The following CHMP1A variants were observed in gnomAD, a reference collection of about 807,000 sequenced individuals.
CHMP1A encodes the protein VPS46 homolog A.
Under a neutral mutation model 27.0 loss-of-function variants are expected in CHMP1A, and 17 were observed. The observed-to-expected ratio is 0.63, with a 90% CI of 0.43 to 0.95. The LOEUF (loss-of-function observed/expected upper bound fraction) is 0.95. CHMP1A is among the 40% of genes least tolerant of loss of function. The probability of loss-of-function intolerance (pLI) is 0.00; values close to 1 mark genes in which losing one functional copy is unlikely to be tolerated. For missense variants in CHMP1A, 275 were observed against 264.0 expected, an observed-to-expected ratio of 1.04 and a Z score of -0.29; for synonymous variants, 131 against 107.5, an observed-to-expected ratio of 1.22 and a Z score of -1.35.
chr16:89,645,751 C>A lies in CHMP1A; in HGVS notation c.*315G>T. The A allele has an allele frequency of 1.7e-6, 1 of 591,674 alleles. No individual in the cohort carries two copies. The highest frequency in any genetic ancestry group is 2.7e-6 in the Non-Finnish European group (1 of 368,166). The allele number at this position is 591,674 out of a possible 1,614,324, so 36.7% of individuals were successfully genotyped here. On this transcript the variant is annotated 3_prime_UTR_variant, in exon 7 of 7. Coordinates refer to ENST00000397901, the MANE Select transcript of CHMP1A (RefSeq NM_002768.5). Reference sequence around the variant, plus strand: ...CTGATGGGAAGCAGCATGTCTGCTGCCCCAGAGTCTGAAGGCCCCCACAGT... The same window carrying A: ...CTGATGGGAAGCAGCATGTCTGCTGACCCAGAGTCTGAAGGCCCCCACAGT...
Position 89,646,517 on chromosome 16 carries a change from C to G in CHMP1A, c.569+10G>C. 6.4e-7 allele frequency: 1 copy of G among 1,564,794 alleles called. No homozygotes were observed. On this transcript the variant is annotated intron_variant, in intron 6 of 6. Coordinates refer to ENST00000397901, the MANE Select transcript of CHMP1A (RefSeq NM_002768.5). ...GGTTGGTGACACAGCGTTTCGGGGA[C>G]CGACCCTACCTCCGTGACAGCTGGT...
At chr16:89,651,132 CT>C (rs1354170657) in intron 3 of CHMP1A, among the ~76,000 whole-genome samples, 1 of 152,142 alleles carries the variant, frequency 6.6e-6, no homozygotes, top group Non-Finnish European at 1.5e-5. Context: ...AATACCAGCA[CT>C]TTTGGAGGCC....
intron 5 of CHMP1A, 47 bp from the exon 6 acceptor site, chr16:89,646,761 G>C (rs1386300997): frequency 6.3e-7 from 1 of 1,577,580 alleles, no homozygotes; most frequent in Non-Finnish European, 8.6e-7. Context: ...CCAGGCCCAT[G>C]GGGCCCCACT....
intron 3 of CHMP1A, among the ~76,000 whole-genome samples, chr16:89,650,482 C>T (rs1270370985): frequency 1.3e-5 from 2 of 152,208 alleles, no homozygotes; most frequent in African/African-American, 4.8e-5. Context: ...ATGCCCTAGA[C>T]ACCAGCTCTG....
intron 4 of CHMP1A, among the ~76,000 whole-genome samples, chr16:89,648,629 G>A (rs1023388781): frequency 9.2e-5 from 14 of 152,292 alleles, no homozygotes; most frequent in South Asian, 8.3e-4. Context: ...AGTGGTTCAC[G>A]CCTATAATTC....
rs890839515 is a variant in CHMP1A, at chr16:89,651,302, C to T, written c.105+267G>A. On this transcript the variant is annotated intron_variant, in intron 3 of 6. Coordinates refer to ENST00000397901, the MANE Select transcript of CHMP1A (RefSeq NM_002768.5). ...CCTAGAATCACTTGAACCCGGGAGG[C>T]GGAGGTTGCAGTGAGACGAGATCGC... 6.2e-5 allele frequency among the ~76,000 whole-genome samples: 9 copies of T among 144,286 alleles called. No individual in the cohort carries two copies. The South Asian group carries it at 1.6e-3, about 26-fold the overall frequency. 94.7% of individuals were successfully genotyped at this position (144,286 alleles called of 152,430 possible). A position where few individuals can be genotyped will look rare whatever the true frequency, so the allele number is the denominator to read the frequency against.
Position 89,649,565 on chromosome 16 carries a change from TTTTTGTTTTG to T in CHMP1A, c.106-78_106-69del, listed in dbSNP as rs375799961. ...TGTGTGCCCCCTGCTAGGAGCCCAG[TTTTTGTTTTG>T]TTTTGTTTTGTTTTGTTTGAGACGG... On this transcript the variant is annotated intron_variant, in intron 3 of 6. Transcript: ENST00000397901. The T allele has an allele frequency of 2.6e-4, 405 of 1,582,348 alleles. 1 individual carries two copies. Among genetic ancestry groups the T allele is most frequent in the South Asian group, 1.5e-4 (13 of 88,854 alleles).
rs1046843992 is a variant in CHMP1A at position 89,645,268 on chromosome 16, C to T, written c.*798G>A. 19 of 152,608 alleles carry T rather than the reference C, an allele frequency of 1.2e-4. No individual in the cohort carries two copies. The highest frequency in any genetic ancestry group is 2.9e-4 in the African/African-American group (12 of 41,466). The allele number at this position is 152,608 out of a possible 1,614,324, so 9.5% of individuals were successfully genotyped here. On this transcript the variant is annotated 3_prime_UTR_variant, in exon 7 of 7. Coordinates refer to ENST00000397901, the MANE Select transcript of CHMP1A (RefSeq NM_002768.5). ...TGCCCAAGGGGAGGAGCTGCAGACG[C>T]ACCCGCTGGGACCGCAGCCTGCTGG... is the stretch of plus-strand genomic sequence containing the variant.
At position 89,655,451 on chromosome 16, in the gene CHMP1A, TCCTCACCTCAGCTTTC is replaced by T. The variant is rs1414338802; in HGVS notation, c.8-1544_8-1529del. On this transcript the variant is annotated intron_variant, in intron 1 of 6. Transcript: ENST00000397901. Reference sequence around the variant, plus strand: ...ACCTCAGCTCTCCTCACCTCAGCTTTCCTCACCTCAGCTTTCCCTCACCTCAGCTTTCCTCACCTCA... The same window carrying T: ...ACCTCAGCTCTCCTCACCTCAGCTTTCCTCACCTCAGCTTTCCTCACCTCA... Among the ~76,000 whole-genome samples the T allele has an allele frequency of 2.2e-4, 31 of 143,566 alleles. 2 individuals carry two copies. The South Asian group carries it at 2.2e-3, about 10-fold the overall frequency. The allele number at this position is 143,566 out of a possible 152,430, so 94.2% of individuals were successfully genotyped here. A position where few individuals can be genotyped will look rare whatever the true frequency, so the allele number is the denominator to read the frequency against.
intron 1 of CHMP1A, among the ~76,000 whole-genome samples, chr16:89,656,956 C>T (rs911049437): frequency 1.4e-5 from 2 of 142,520 alleles, no homozygotes; most frequent in African/African-American, 5.3e-5. Flanking sequence ...GTCTAGGTCC[C>T]GGGTCCATGG....
rs1313812860 is a variant in CHMP1A, at chr16:89,648,360, GGA to G, written c.252+989_252+990del. 7.7e-5 allele frequency among the ~76,000 whole-genome samples: 6 copies of G among 77,876 alleles called. 2 individuals carry two copies. Among genetic ancestry groups the G allele is most frequent in the Admixed American group, 5.2e-4 (4 of 7,650 alleles). 51.1% of individuals were successfully genotyped at this position (77,876 alleles called of 152,430 possible). A position where few individuals can be genotyped will look rare whatever the true frequency, so the allele number is the denominator to read the frequency against. ...TCGGTGGAGAAAAGGCCGCCGACGT[GGA>G]GACCCAGCGCGGGGTCGGTGGAGAA... On this transcript the variant is annotated intron_variant, in intron 4 of 6. Transcript: ENST00000397901.
At chr16:89,653,853 T>C in intron 2 of CHMP1A, 51 bp downstream of exon 2, 6 of 1,589,500 alleles carry the variant, frequency 3.8e-6, no homozygotes, top group East Asian at 2.2e-5. Context: ...TGGCTTATAC[T>C]ATCTGTCCTC....
At chr16:89,653,990 G>A in intron 1 of CHMP1A, 67 bp from the exon 2 acceptor site, 1 of 1,524,814 alleles carries the variant, frequency 6.6e-7, no homozygotes, top group Non-Finnish European at 9.1e-7. Context: ...TGGCAGGCAG[G>A]ACTCACTAGG....
chr16:89,649,266 G>C, intron 4 of CHMP1A, 85 bp downstream of exon 4: 2 of 1,523,570 alleles, frequency 1.3e-6, no homozygotes, highest in Non-Finnish European at 1.8e-6. Context: ...CGTCAACTCT[G>C]AGCTGCCCCA....
chr16:89,649,306 C>T (rs1313777544), intron 4 of CHMP1A, 45 bp downstream of exon 4: 1 of 1,596,120 alleles, frequency 6.3e-7, no homozygotes, highest in East Asian at 2.3e-5. Flanking sequence ...ATTCCTGCTT[C>T]AGCCAGCGAA....
chr16:89,657,673 A>C lies in CHMP1A; in HGVS notation c.-85T>G. ...TCAGGTCCCGGCGGCGATCGAACCG[A>C]CCAAGCTGCACCCGGCGGGGACTTC... On this transcript the variant is annotated 5_prime_UTR_variant, in exon 1 of 7. Transcript: ENST00000397901. 6.4e-7 allele frequency: 1 copy of C among 1,560,432 alleles called. No individual in the cohort carries two copies. The highest frequency in any genetic ancestry group is 8.7e-7 in the Non-Finnish European group (1 of 1,143,658).
rs2059761142 is a variant in CHMP1A at position 89,644,808 on chromosome 16, AG to A, written c.*1257del. 6.6e-6 allele frequency: 1 copy of A among 151,962 alleles called. No individual in the cohort carries two copies. The highest frequency in any genetic ancestry group is 1.5e-5 in the Non-Finnish European group (1 of 67,958). 9.4% of individuals were successfully genotyped at this position (151,962 alleles called of 1,614,324 possible). ...GGGCTGCACGGGGTGGGCAGGACTGAGGAGGGGAGGGCAGGACTGAAGAGGG... is the reference window on the plus strand; with the variant it reads ...GGGCTGCACGGGGTGGGCAGGACTGAGAGGGGAGGGCAGGACTGAAGAGGG... On this transcript the variant is annotated 3_prime_UTR_variant, in exon 7 of 7. Transcript: ENST00000397901.
At position 89,647,561 on chromosome 16, in the gene CHMP1A, T is replaced by A. The variant is rs428232; in HGVS notation, c.253-230A>T. On this transcript the variant is annotated intron_variant, in intron 4 of 6. Coordinates refer to ENST00000397901, the MANE Select transcript of CHMP1A (RefSeq NM_002768.5). ...GTCAGTGGAGAAAAGGCCGCCGACG[T>A]GGAGACCCAGTGCGGGGTCAGTGGA... Among the ~76,000 whole-genome samples, 14 of 121,304 alleles carry A rather than the reference T, an allele frequency of 1.2e-4. 6 individuals are homozygous for A. Among genetic ancestry groups the A allele is most frequent in the South Asian group, 4.9e-4 (2 of 4,092 alleles). The allele number at this position is 121,304 out of a possible 152,430, so 79.6% of individuals were successfully genotyped here.
Position 89,657,687 on chromosome 16 carries a change from G to C in CHMP1A, c.-99C>G, listed in dbSNP as rs577978613. The C allele has an allele frequency of 1.6e-5, 26 of 1,579,740 alleles. No homozygotes were observed. The highest frequency in any genetic ancestry group is 2.1e-5 in the Non-Finnish European group (25 of 1,165,344). ...CGATCGAACCGACCAAGCTGCACCCGGCGGGGACTTCCGGGGTCGCCGCCC... is the reference window on the plus strand; with the variant it reads ...CGATCGAACCGACCAAGCTGCACCCCGCGGGGACTTCCGGGGTCGCCGCCC... On this transcript the variant is annotated 5_prime_UTR_variant, in exon 1 of 7. Transcript: ENST00000397901.
Sources: allele counts gnomAD v4.1 joint callset (sites outside exome capture counted in the v4.1 genomes callset), GRCh38; gene constraint gnomAD v4.1.1; transcripts MANE v1.5; gene names NCBI Gene and HGNC (gene_info 2026-07-23, HGNC 2026-07-21).